NRP1: variants seen among roughly 807,000 people sequenced by gnomAD.
The protein encoded by NRP1 is neuropilin 1.
Under a neutral mutation model 106.7 loss-of-function variants are expected in NRP1, and 35 were observed. That is an observed-to-expected ratio of 0.33 (90% CI 0.25 to 0.43). The LOEUF (loss-of-function observed/expected upper bound fraction) is 0.43, where lower values mean the gene tolerates loss of function less well. NRP1 is among the 20% of genes least tolerant of loss of function. NRP1 has a pLI of 1.00. For synonymous variants in NRP1, 437 were observed against 417.9 expected (o/e 1.05, Z -0.56); for missense variants, 1,024 against 1,170.4 (o/e 0.87, Z 1.83).
intron 6 of NRP1, among the ~76,000 whole-genome samples, chr10:33,243,039 T>C (rs1255782229): frequency 6.6e-6 from 1 of 152,172 alleles, no homozygotes; most frequent in Non-Finnish European, 1.5e-5. Flanking sequence ...CTTACAGATA[T>C]TTCCTTCAAA....
At chr10:33,202,750 C>T in intron 11 of NRP1, 141 bp downstream of exon 11, 6 of 1,565,276 alleles carry the variant, frequency 3.8e-6, no homozygotes, top group Middle Eastern at 1.7e-4. Flanking sequence ...AATGAAGATG[C>T]ACGTGTTCTG....
At chr10:33,235,847 T>C (rs1840512074) in intron 6 of NRP1, among the ~76,000 whole-genome samples, 1 of 152,238 alleles carries the variant, frequency 6.6e-6, no homozygotes, top group African/African-American at 2.4e-5. Context: ...TAGAAAAGAT[T>C]GTTTTACATT....
chr10:33,298,247 G>A (rs1231946068), intron 2 of NRP1, among the ~76,000 whole-genome samples: 1 of 152,114 alleles, frequency 6.6e-6, no homozygotes, highest in Non-Finnish European at 1.5e-5. Flanking sequence ...TGGGTAATCA[G>A]GTAGACCTCT....
At chr10:33,192,176 C>T in intron 13 of NRP1, 105 bp downstream of exon 13, 1 of 1,266,572 alleles carries the variant, frequency 7.9e-7, no homozygotes, top group Non-Finnish European at 1.1e-6. Context: ...TGTAGTAATT[C>T]CTACCCGCCC....
At chr10:33,199,159 C>T (rs1837023616) in intron 11 of NRP1, among the ~76,000 whole-genome samples, 1 of 151,728 alleles carries the variant, frequency 6.6e-6, no homozygotes. Flanking sequence ...CTGTCCTCTC[C>T]AGACCTAAAT....
rs1397571090 is a variant in NRP1, at chr10:33,213,392, C to T, written c.1608G>A (p.Lys536=). 6.2e-7 allele frequency: 1 copy of T among 1,614,074 alleles called. No individual in the cohort carries two copies. Among genetic ancestry groups the T allele is most frequent in the Non-Finnish European group, 8.5e-7 (1 of 1,180,028 alleles). ...WKMIMDDSKR[K]AKSFEGNNNY... ...CCCAGTCCCCAGCCCTCACCTTCGC[C>T]TTGCGTTTGCTGTCATCCATGATCA... The change falls in exon 9 of 17, where the codon AAG becomes AAA. Residue 536 remains lysine, a synonymous_variant. Coordinates refer to ENST00000374867, the MANE Select transcript of NRP1 (RefSeq NM_003873.7).
intron 12 of NRP1, among the ~76,000 whole-genome samples, chr10:33,196,905 C>A (rs982485362): frequency 6.6e-6 from 1 of 152,124 alleles, no homozygotes; most frequent in Non-Finnish European, 1.5e-5. Flanking sequence ...GGAAAACTGA[C>A]CTGTTCACCT....
At chr10:33,296,989 A>C (rs189952195) in intron 2 of NRP1, among the ~76,000 whole-genome samples, 26 of 152,270 alleles carry the variant, frequency 1.7e-4, no homozygotes, top group African/African-American at 4.8e-4. Flanking sequence ...AGATCGTGCC[A>C]AAAGAAAAAA....
At chr10:33,237,952 C>T (rs55982549) in intron 6 of NRP1, among the ~76,000 whole-genome samples, 3 of 152,192 alleles carry the variant, frequency 2.0e-5, no homozygotes, top group African/African-American at 7.2e-5. Context: ...CTCACACATA[C>T]ACAAATGCAC....
intron 16 of NRP1, among the ~76,000 whole-genome samples, chr10:33,180,860 T>A (rs377080641): frequency 1.3e-5 from 2 of 152,224 alleles, no homozygotes; most frequent in East Asian, 3.8e-4. Flanking sequence ...TTCTCCCATA[T>A]GGAAAATCTT....
chr10:33,331,022 G>A (rs866574504), intron 1 of NRP1, 140 bp from the exon 2 acceptor site: 9 of 655,534 alleles, frequency 1.4e-5, no homozygotes, highest in Middle Eastern at 8.7e-4. Context: ...TCCTTCGTGT[G>A]GCTCTGAGTG....
chr10:33,290,073 C>T (rs1162388453), intron 2 of NRP1, among the ~76,000 whole-genome samples: 1 of 152,152 alleles, frequency 6.6e-6, no homozygotes, highest in Non-Finnish European at 1.5e-5. Flanking sequence ...TCTTTTATTT[C>T]TCCCTTTTAG....
At chr10:33,188,377 C>G (rs377471563) in intron 13 of NRP1, among the ~76,000 whole-genome samples, 1 of 152,138 alleles carries the variant, frequency 6.6e-6, no homozygotes, top group East Asian at 1.9e-4. Flanking sequence ...ATAATCACTT[C>G]CCATCCACAA....
At position 33,179,714 on chromosome 10, in the gene NRP1, G is replaced by A; in HGVS notation, c.*362C>T. On this transcript the variant is annotated 3_prime_UTR_variant, in exon 17 of 17. Coordinates refer to ENST00000374867, the MANE Select transcript of NRP1 (RefSeq NM_003873.7). The stretch of plus-strand genomic sequence containing the variant: ...CAAAGGGCCACACGGAATACGCTTG[G>A]TGCCAGCATCTTGGATTTCGCTCAG... The A allele has an allele frequency of 4.3e-6, 1 of 232,200 alleles. No individual in the cohort carries two copies. The highest frequency in any genetic ancestry group is 8.5e-6 in the Non-Finnish European group (1 of 117,666). The allele number at this position is 232,200 out of a possible 1,614,324, so 14.4% of individuals were successfully genotyped here. A position where few individuals can be genotyped will look rare whatever the true frequency, so the allele number is the denominator to read the frequency against.
At chr10:33,221,636 A>G (rs1732667548) in intron 8 of NRP1, 83 bp downstream of exon 8, 2 of 1,388,378 alleles carry the variant, frequency 1.4e-6, no homozygotes, top group Admixed American at 3.4e-5. Flanking sequence ...AAACTTATTT[A>G]CCCTGTATTT....
chr10:33,222,551 C>T (rs2208174), intron 7 of NRP1, among the ~76,000 whole-genome samples: 46,406 of 151,074 alleles, frequency 0.31, 7,394 homozygotes, highest in East Asian at 0.62. Flanking sequence ...GATGGAGTCT[C>T]GCTCTGTTAG....
At chr10:33,199,351 C>T (rs1837040287) in intron 11 of NRP1, among the ~76,000 whole-genome samples, 1 of 113,476 alleles carries the variant, frequency 8.8e-6, no homozygotes, top group African/African-American at 3.3e-5. Flanking sequence ...TGTGCGCCAC[C>T]ATGCCTGGCT....
At chr10:33,280,294 G>A (rs1311587724) in intron 2 of NRP1, among the ~76,000 whole-genome samples, 1 of 152,088 alleles carries the variant, frequency 6.6e-6, no homozygotes, top group Admixed American at 6.5e-5. Context: ...CATTTTAAAC[G>A]GAAGGGAAGG....
At chr10:33,208,257 T>C (rs1324072639) in intron 9 of NRP1, among the ~76,000 whole-genome samples, 1 of 152,202 alleles carries the variant, frequency 6.6e-6, no homozygotes, top group African/African-American at 2.4e-5. Flanking sequence ...CTCATGATGT[T>C]GCCCAGGCTG....
Sources: gnomAD v4.1 joint callset for allele counts (sites outside exome capture counted in the v4.1 genomes callset) on GRCh38, gnomAD v4.1.1 for gene constraint, MANE v1.5 for transcripts, NCBI Gene and HGNC (gene_info 2026-07-23, HGNC 2026-07-21) for gene names.